Variants in CELF2 observed in about 807,000 individuals in gnomAD.
CELF2 encodes CUG triplet repeat RNA-binding protein 2.
A neutral mutation model predicts 62.6 loss-of-function variants in CELF2; 8 were observed. That is an observed-to-expected ratio of 0.13 (90% CI 0.07 to 0.23). CELF2 has a LOEUF of 0.23. CELF2 is among the 10% of genes least tolerant of loss of function. CELF2 has a pLI of 1.00. For missense variants in CELF2, 333 were observed against 671.0 expected, an observed-to-expected ratio of 0.50 and a Z score of 5.56; for synonymous variants, 258 against 250.0, an observed-to-expected ratio of 1.03 and a Z score of -0.30.
At position 11,330,887 on chromosome 10, in the gene CELF2, A is replaced by G. The variant is rs2095999780; in HGVS notation, c.*1834A>G. On this transcript the variant is annotated 3_prime_UTR_variant, in exon 13 of 13. Coordinates refer to ENST00000633077, the MANE Select transcript of CELF2 (RefSeq NM_001326342.2). This position sits in a 1 kb window ranked among gnomAD's most constrained non-coding sequence, Gnocchi z 4.5. ...AGACTACTTCCAAAAACAGTTTGAG[A>G]AAAAAACTGTCTGATTTTAAGTCTC... is the stretch of plus-strand genomic sequence containing the variant. The G allele has an allele frequency of 6.6e-6, 1 of 152,562 alleles. No homozygotes were observed. Among genetic ancestry groups the G allele is most frequent in the Non-Finnish European group, 1.5e-5 (1 of 68,028 alleles). 9.5% of individuals were successfully genotyped at this position (152,562 alleles called of 1,614,324 possible).
At chr10:10,840,635 T>G (rs1211347375) in intron 1 of CELF2, among the ~76,000 whole-genome samples, 1 of 152,232 alleles carries the variant, frequency 6.6e-6, no homozygotes, top group Non-Finnish European at 1.5e-5. Context: ...CAAATGTATT[T>G]TTTTCCAAAC....
rs200828160 is a variant in CELF2, at chr10:11,318,948, C to T, written c.1097-2241C>T. ...CAGCAGACAAGGCATCATGGTGGTG[C>T]GATGCTGCCCACCCCTCCATGGGAA... On this transcript the variant is annotated intron_variant, in intron 10 of 12. Coordinates refer to ENST00000633077, the MANE Select transcript of CELF2 (RefSeq NM_001326342.2). This position sits in a 1 kb window ranked among gnomAD's most constrained non-coding sequence, Gnocchi z 5.4. 4.5e-4 allele frequency: 213 copies of T among 471,004 alleles called. 1 individual carries two copies. Among genetic ancestry groups the T allele is most frequent in the Non-Finnish European group, 7.9e-4 (179 of 227,054 alleles). The allele number at this position is 471,004 out of a possible 1,614,324, so 29.2% of individuals were successfully genotyped here.
Position 11,165,214 on chromosome 10 carries a change from C to A in CELF2, c.75-272C>A. The A allele has an allele frequency of 7.7e-7, 1 of 1,300,016 alleles. No individual in the cohort carries two copies. The highest frequency in any genetic ancestry group is 9.8e-7 in the Non-Finnish European group (1 of 1,019,666). 80.5% of individuals were successfully genotyped at this position (1,300,016 alleles called of 1,614,324 possible). A position where few individuals can be genotyped will look rare whatever the true frequency, so the allele number is the denominator to read the frequency against. ...CTGCCTCCCGAGCCTCCAAGATGTC[C>A]ACGCCCTGGGTGACAGGCGGCAGGG... is the stretch of plus-strand genomic sequence containing the variant. On this transcript the variant is annotated intron_variant, in intron 1 of 12. Coordinates refer to ENST00000633077, the MANE Select transcript of CELF2 (RefSeq NM_001326342.2). The surrounding 1 kb of genome is among the most constrained non-coding windows in gnomAD (Gnocchi z 7.4).
chr10:11,002,060 G>C (rs2054570417), upstream of CELF2, among the ~76,000 whole-genome samples: 1 of 152,168 alleles, frequency 6.6e-6, no homozygotes, highest in Non-Finnish European at 1.5e-5. The surrounding 1 kb of genome is among the most constrained non-coding windows in gnomAD (Gnocchi z 4.4). Context: ...AGACATACCT[G>C]AGACTGGGTA....
At chr10:11,066,065 G>T (rs769894518) in intron 1 of CELF2, among the ~76,000 whole-genome samples, 1 of 152,090 alleles carries the variant, frequency 6.6e-6, no homozygotes, top group African/African-American at 2.4e-5. Context: ...AGAGGGCGTA[G>T]GGAGGAGGAA....
chr10:11,231,385 C>T (rs2068588694), intron 3 of CELF2, among the ~76,000 whole-genome samples: 1 of 152,068 alleles, frequency 6.6e-6, no homozygotes, highest in Non-Finnish European at 1.5e-5. Context: ...AGTTGGGCGA[C>T]CAAATAAGAA....
At chr10:11,241,612 A>G (rs1565497921) in intron 3 of CELF2, among the ~76,000 whole-genome samples, 1 of 152,052 alleles carries the variant, frequency 6.6e-6, no homozygotes. Flanking sequence ...TTTTGTTTTT[A>G]TTTTTTTAAT....
chr10:11,042,650 A>C (rs2062043104), intron 1 of CELF2, among the ~76,000 whole-genome samples: 1 of 152,086 alleles, frequency 6.6e-6, no homozygotes, highest in Non-Finnish European at 1.5e-5. Flanking sequence ...CAATTTCATC[A>C]CCCAAAAAAG....
At chr10:11,089,907 T>A (rs1168550774) in intron 1 of CELF2, among the ~76,000 whole-genome samples, 1 of 152,128 alleles carries the variant, frequency 6.6e-6, no homozygotes, top group African/African-American at 2.4e-5. Flanking sequence ...TTATCCTAAG[T>A]GAACTCATGG....
At chr10:10,500,613 A>G in the CELF2 span, among the ~76,000 whole-genome samples, 2 of 152,212 alleles carry the variant, frequency 1.3e-5, no homozygotes, top group African/African-American at 4.8e-5. Context: ...TGAGTCCATT[A>G]AACCTCTTTT....
intron 1 of CELF2, among the ~76,000 whole-genome samples, chr10:10,828,072 G>C (rs1284383698): frequency 7.1e-6 from 1 of 141,078 alleles, no homozygotes; most frequent in African/African-American, 2.6e-5. Context: ...ATGTAAAACA[G>C]TGCAGTTGCT....
intron 3 of CELF2, among the ~76,000 whole-genome samples, chr10:11,228,749 G>A (rs1340776159): frequency 2.1e-5 from 3 of 139,754 alleles, no homozygotes; most frequent in Admixed American, 7.0e-5. Flanking sequence ...AAAAAAACTT[G>A]GAACCACCAT....
At chr10:10,486,354 T>G in the CELF2 span, among the ~76,000 whole-genome samples, 7 of 152,202 alleles carry the variant, frequency 4.6e-5, 1 homozygote, top group South Asian at 1.4e-3. Flanking sequence ...TTTAATACCA[T>G]GATTTAATTT....
chr10:10,496,352 C>A, the CELF2 span, among the ~76,000 whole-genome samples: 1 of 152,142 alleles, frequency 6.6e-6, no homozygotes, highest in South Asian at 2.1e-4. Flanking sequence ...TTAGAAGCTA[C>A]CTTAATTTCT....
the CELF2 span, among the ~76,000 whole-genome samples, chr10:10,606,676 T>C: frequency 3.3e-5 from 5 of 152,218 alleles, no homozygotes; most frequent in African/African-American, 9.6e-5. Context: ...AAACATATTA[T>C]ATTGGTCCCT....
the CELF2 span, among the ~76,000 whole-genome samples, chr10:10,690,904 A>C: frequency 6.6e-6 from 1 of 151,096 alleles, no homozygotes; most frequent in African/African-American, 2.4e-5. Context: ...TACCAGCTCA[A>C]CCTCCTTCAA....
intron 8 of CELF2, among the ~76,000 whole-genome samples, chr10:11,275,945 G>C (rs551405833): frequency 1.1e-3 from 163 of 152,262 alleles, no homozygotes; most frequent in Non-Finnish European, 2.1e-3. Context: ...ATTCCAAAAA[G>C]GTGGGGGGAG....
chr10:10,846,500 A>T (rs1040169000), intron 1 of CELF2, among the ~76,000 whole-genome samples: 1 of 152,194 alleles, frequency 6.6e-6, no homozygotes, highest in African/African-American at 2.4e-5. Flanking sequence ...TATGTATGTG[A>T]TCCTTTCCCT....
intron 1 of CELF2, among the ~76,000 whole-genome samples, chr10:11,065,246 C>T (rs1228637858): frequency 6.6e-6 from 1 of 152,102 alleles, no homozygotes; most frequent in Non-Finnish European, 1.5e-5. Flanking sequence ...CAATATCTGT[C>T]CTAGAAATTA....
Sources: allele counts gnomAD v4.1 joint callset (sites outside exome capture counted in the v4.1 genomes callset), GRCh38; gene constraint gnomAD v4.1.1; non-coding constraint Gnocchi (gnomAD v3.1); transcripts MANE v1.5; gene names NCBI Gene and HGNC (gene_info 2026-07-23, HGNC 2026-07-21).